The following STARD13 variants were observed in gnomAD, a reference collection of about 807,000 sequenced individuals.
STARD13 encodes StAR related lipid transfer domain containing 13.
STARD13 carries 62 observed loss-of-function variants against 106.4 expected under a neutral mutation model. That is an observed-to-expected ratio of 0.58 (90% CI 0.48 to 0.72). The LOEUF is 0.72. Ranked by LOEUF, STARD13 falls within the 30% of genes least tolerant of loss-of-function variation. The probability of loss-of-function intolerance (pLI) is 0.00; values close to 1 mark genes in which losing one functional copy is unlikely to be tolerated. For missense variants in STARD13, 1,387 were observed against 1,424.0 expected, an observed-to-expected ratio of 0.97 and a Z score of 0.42; for synonymous variants, 565 against 553.0, an observed-to-expected ratio of 1.02 and a Z score of -0.31.
the STARD13 span, among the ~76,000 whole-genome samples, chr13:33,527,676 T>C: frequency 6.6e-6 from 1 of 151,832 alleles, no homozygotes; most frequent in Non-Finnish European, 1.5e-5. Flanking sequence ...AAGAAAAAAA[T>C]AAAAATACAG....
chr13:33,491,749 G>A, the STARD13 span, among the ~76,000 whole-genome samples: 3 of 152,218 alleles, frequency 2.0e-5, no homozygotes, highest in Non-Finnish European at 4.4e-5. Flanking sequence ...ACAATGTGAT[G>A]AGGAGCTGTA....
At chr13:33,381,700 A>G in the STARD13 span, among the ~76,000 whole-genome samples, 1 of 152,314 alleles carries the variant, frequency 6.6e-6, no homozygotes, top group Non-Finnish European at 1.5e-5. Context: ...AGATTGTGCC[A>G]CTGCACTCCA....
At chr13:33,226,219 G>A (rs1888617320) in intron 1 of STARD13, among the ~76,000 whole-genome samples, 1 of 152,224 alleles carries the variant, frequency 6.6e-6, no homozygotes, top group African/African-American at 2.4e-5. Flanking sequence ...TGTTACGGCA[G>A]CCTGAGCAAA....
At chr13:33,498,103 C>T in the STARD13 span, among the ~76,000 whole-genome samples, 1 of 152,200 alleles carries the variant, frequency 6.6e-6, no homozygotes, top group Non-Finnish European at 1.5e-5. Context: ...GCTACTGATA[C>T]TTCCATGTGT....
In STARD13 at chr13:33,140,844, C is replaced by T. The variant is rs1157131655; in HGVS notation, c.387+1466G>A. 5.3e-5 allele frequency among the ~76,000 whole-genome samples: 8 copies of T among 151,772 alleles called. No individual in the cohort carries two copies. The East Asian group carries it at 1.4e-3, about 26-fold the overall frequency. On this transcript the variant is annotated intron_variant, in intron 4 of 13. Coordinates refer to ENST00000336934, the MANE Select transcript of STARD13 (RefSeq NM_178006.4). The stretch of plus-strand genomic sequence containing the variant: ...CACAATCTCAGCTCACTGCAACCTC[C>T]GCCTCCCGGGTTCAAGTGATTCTCC...
intron 1 of STARD13, among the ~76,000 whole-genome samples, chr13:33,208,824 G>A (rs930177552): frequency 2.8e-4 from 43 of 152,282 alleles, no homozygotes; most frequent in African/African-American, 8.2e-4. Flanking sequence ...TTTCCTGGAG[G>A]TATTTGCAGA....
chr13:33,169,331 G>C (rs1883686521), intron 1 of STARD13, among the ~76,000 whole-genome samples: 1 of 152,208 alleles, frequency 6.6e-6, no homozygotes, highest in Non-Finnish European at 1.5e-5. Context: ...ACCCAGTTGA[G>C]AGTCTGTATT....
the STARD13 span, among the ~76,000 whole-genome samples, chr13:33,497,152 A>C: frequency 6.6e-6 from 1 of 152,128 alleles, no homozygotes; most frequent in East Asian, 1.9e-4. Flanking sequence ...CAAGACCTTT[A>C]AGTTTCCCAA....
chr13:33,513,250 G>A, the STARD13 span, among the ~76,000 whole-genome samples: 64 of 152,274 alleles, frequency 4.2e-4, 1 homozygote, highest in South Asian at 0.012. Context: ...GATGATCCTT[G>A]CTCAGCCCCT....
chr13:33,333,592 T>A (rs2077861672), intron 1 of STARD13: 1 of 152,138 alleles, frequency 6.6e-6, no homozygotes, highest in South Asian at 2.1e-4. Flanking sequence ...GAGGTTGGGA[T>A]CATGGCAGGA....
intron 1 of STARD13, among the ~76,000 whole-genome samples, chr13:33,255,046 G>A (rs1890277886): frequency 6.6e-6 from 1 of 152,036 alleles, no homozygotes; most frequent in Non-Finnish European, 1.5e-5. Context: ...GGCTAAAAGG[G>A]CACACTGTAA....
At chr13:33,268,497 G>T (rs1173385881) in intron 1 of STARD13, among the ~76,000 whole-genome samples, 1 of 152,214 alleles carries the variant, frequency 6.6e-6, no homozygotes, top group Non-Finnish European at 1.5e-5. Context: ...GCACTTTGCA[G>T]GTGTGAGAAC....
At chr13:33,592,097 G>A in the STARD13 span, among the ~76,000 whole-genome samples, 1 of 151,988 alleles carries the variant, frequency 6.6e-6, no homozygotes, top group Non-Finnish European at 1.5e-5. Flanking sequence ...TGCTGAAGTG[G>A]GTATTTTTCT....
chr13:33,532,000 C>A, the STARD13 span, among the ~76,000 whole-genome samples: 1 of 152,156 alleles, frequency 6.6e-6, no homozygotes, highest in Non-Finnish European at 1.5e-5. Flanking sequence ...CCGTCCCCAT[C>A]TTTTTAGTGA....
chr13:33,178,640 C>T (rs1229538382), intron 1 of STARD13, among the ~76,000 whole-genome samples: 4 of 152,280 alleles, frequency 2.6e-5, no homozygotes, highest in Middle Eastern at 3.4e-3. Flanking sequence ...GGTCCTGGAC[C>T]GTATTCCCAC....
At chr13:33,313,276 C>A (rs1392148001) in intron 1 of STARD13, among the ~76,000 whole-genome samples, 1 of 152,148 alleles carries the variant, frequency 6.6e-6, no homozygotes, top group Non-Finnish European at 1.5e-5. Context: ...AATTTTATTA[C>A]AATGTAGCAT....
At chr13:33,258,108 G>A (rs1890457331) in intron 1 of STARD13, among the ~76,000 whole-genome samples, 1 of 152,196 alleles carries the variant, frequency 6.6e-6, no homozygotes, top group South Asian at 2.1e-4. Context: ...AGCTTCTTGG[G>A]TTAAGCCAGT....
chr13:33,195,281 T>C (rs149206754), intron 1 of STARD13, among the ~76,000 whole-genome samples: 6 of 152,358 alleles, frequency 3.9e-5, no homozygotes, highest in African/African-American at 1.4e-4. Context: ...ACTATTTCAG[T>C]AATCCCCTGT....
intron 4 of STARD13, among the ~76,000 whole-genome samples, chr13:33,133,887 C>T (rs1312167837): frequency 6.6e-6 from 1 of 152,020 alleles, no homozygotes; most frequent in Non-Finnish European, 1.5e-5. Context: ...TTCAGACTCT[C>T]CAGTGGTATT....
Sources: gnomAD v4.1 joint callset for allele counts (sites outside exome capture counted in the v4.1 genomes callset) on GRCh38, gnomAD v4.1.1 for gene constraint, MANE v1.5 for transcripts, NCBI Gene and HGNC (gene_info 2026-07-23, HGNC 2026-07-21) for gene names.